GALNT1: variants seen among roughly 807,000 people sequenced by gnomAD.
GALNT1 encodes GalNAc transferase 1.
GALNT1 carries 17 observed loss-of-function variants against 65.7 expected under a neutral mutation model. The ratio of observed to expected loss-of-function variants is 0.26; its 90% confidence interval spans 0.18 to 0.39. The LOEUF is 0.39. Ranked by LOEUF, GALNT1 falls within the 10% of genes least tolerant of loss-of-function variation. GALNT1 has a pLI of 1.00. For missense variants in GALNT1, 460 were observed against 672.8 expected (o/e 0.68, Z 3.50); for synonymous variants, 210 against 219.7 (o/e 0.96, Z 0.39).
intron 1 of GALNT1, among the ~76,000 whole-genome samples, chr18:35,597,776 A>G (rs1006278828): frequency 2.6e-5 from 4 of 152,194 alleles, no homozygotes; most frequent in Admixed American, 2.6e-4. Flanking sequence ...AGTCAAATTC[A>G]TGTAATAAAA....
chr18:35,641,997 A>G (rs1013902861), intron 1 of GALNT1, among the ~76,000 whole-genome samples: 1 of 152,246 alleles, frequency 6.6e-6, no homozygotes, highest in Non-Finnish European at 1.5e-5. Context: ...TGTCACATTC[A>G]TTTATGTACC....
At position 35,704,642 on chromosome 18, in the gene GALNT1, TTTTA is replaced by T. The variant is rs569215775; in HGVS notation, c.1533+1011_1533+1014del. Among the ~76,000 whole-genome samples the T allele has an allele frequency of 2.7e-3, 409 of 150,568 alleles. 2 individuals are homozygous for T. Among genetic ancestry groups the T allele is most frequent in the African/African-American group, 9.6e-3 (393 of 41,016 alleles). Reference sequence around the variant, plus strand: ...CTAATTTATTTTTTTTTATTTTTTATTTTATTTATTTATTTTTTTGAGATGGAGT... The same window carrying T: ...CTAATTTATTTTTTTTTATTTTTTATTTTATTTATTTTTTTGAGATGGAGT... On this transcript the variant is annotated intron_variant, in intron 11 of 11. Transcript: ENST00000269195.
At chr18:35,656,656 G>A (rs75339867) in intron 2 of GALNT1, among the ~76,000 whole-genome samples, 1 of 152,210 alleles carries the variant, frequency 6.6e-6, no homozygotes, top group Non-Finnish European at 1.5e-5. Flanking sequence ...GGCCTTTTAT[G>A]GCATGCTAGG....
rs1449777049 is a variant in GALNT1 at position 35,630,805 on chromosome 18, A to G, written c.-103-23755A>G. Among the ~76,000 whole-genome samples the G allele has an allele frequency of 5.9e-5, 9 of 152,356 alleles. No homozygotes were observed. The East Asian group carries it at 7.7e-4, about 13-fold the overall frequency. The stretch of plus-strand genomic sequence containing the variant: ...AGATCAACAAAATTGATAGACCGCT[A>G]GCAAGACTAATAAAGAAGAAAAGAG... On this transcript the variant is annotated intron_variant, in intron 1 of 11. Transcript: ENST00000269195.
At chr18:35,646,301 A>G (rs1654050646) in intron 1 of GALNT1, among the ~76,000 whole-genome samples, 1 of 152,160 alleles carries the variant, frequency 6.6e-6, no homozygotes, top group Admixed American at 6.5e-5. Flanking sequence ...TCCCTTCCCC[A>G]ATACTGGGGA....
intron 1 of GALNT1, among the ~76,000 whole-genome samples, chr18:35,582,765 A>T (rs1339617156): frequency 6.6e-6 from 1 of 152,218 alleles, no homozygotes; most frequent in African/African-American, 2.4e-5. Flanking sequence ...GGCCCTAAGA[A>T]GTTGCAACTT....
intron 1 of GALNT1, among the ~76,000 whole-genome samples, chr18:35,628,051 A>G (rs1241210572): frequency 1.3e-5 from 2 of 152,214 alleles, no homozygotes; most frequent in African/African-American, 2.4e-5. Flanking sequence ...AGGCTTGAGT[A>G]GGTAAACAAA....
At chr18:35,673,931 C>G (rs190145439) in intron 3 of GALNT1, among the ~76,000 whole-genome samples, 2 of 152,278 alleles carry the variant, frequency 1.3e-5, no homozygotes, top group East Asian at 3.9e-4. Context: ...CTAGATGGTA[C>G]AGCCTACTAC....
intron 1 of GALNT1, among the ~76,000 whole-genome samples, chr18:35,648,250 T>C (rs888392638): frequency 6.6e-6 from 1 of 152,160 alleles, no homozygotes; most frequent in African/African-American, 2.4e-5. Context: ...AATTTATGTG[T>C]AAGTATGGTA....
chr18:35,661,257 G>T (rs2047473296), intron 2 of GALNT1, among the ~76,000 whole-genome samples: 1 of 152,108 alleles, frequency 6.6e-6, no homozygotes, highest in African/African-American at 2.4e-5. Context: ...CCAGCACTTT[G>T]GGAGGCCAAG....
rs189176897 is a variant in GALNT1 at position 35,645,291 on chromosome 18, C to T, written c.-103-9269C>T. Among the ~76,000 whole-genome samples, 549 of 135,980 alleles carry T rather than the reference C, an allele frequency of 4.0e-3. 4 individuals are homozygous for T. Among genetic ancestry groups the T allele is most frequent in the African/African-American group, 0.011 (391 of 36,032 alleles). 89.2% of individuals were successfully genotyped at this position (135,980 alleles called of 152,430 possible). On this transcript the variant is annotated intron_variant, in intron 1 of 11. Transcript: ENST00000269195. ...TGTTGCCCAGGCTGGAGTGCAGTGG[C>T]GCAATCTCAGCTCACTGCAAGTTCT...
intron 1 of GALNT1, among the ~76,000 whole-genome samples, chr18:35,594,384 C>T (rs7244623): frequency 0.22 from 34,094 of 151,932 alleles, 4,298 homozygotes; most frequent in African/African-American, 0.34. Flanking sequence ...GAGGCAAGGA[C>T]TATGTTGGCT....
At chr18:35,594,681 T>C (rs2046484357) in intron 1 of GALNT1, among the ~76,000 whole-genome samples, 2 of 152,296 alleles carry the variant, frequency 1.3e-5, no homozygotes, top group South Asian at 4.1e-4. Flanking sequence ...ATGACTTCTG[T>C]GTTGGAAGCT....
chr18:35,707,098 A>G (rs1258004779), intron 11 of GALNT1, among the ~76,000 whole-genome samples: 2 of 152,142 alleles, frequency 1.3e-5, no homozygotes, highest in Admixed American at 6.5e-5. Context: ...ATTTTTGATT[A>G]ATAGTTTTGA....
intron 1 of GALNT1, among the ~76,000 whole-genome samples, chr18:35,630,733 A>G (rs1287030479): frequency 6.6e-6 from 1 of 152,222 alleles, no homozygotes; most frequent in Non-Finnish European, 1.5e-5. Context: ...TAGAGACACA[A>G]AAAACCCTTC....
chr18:35,626,711 C>G (rs1280197572), intron 1 of GALNT1, among the ~76,000 whole-genome samples: 1 of 152,106 alleles, frequency 6.6e-6, no homozygotes, highest in Non-Finnish European at 1.5e-5. Context: ...CCTGCGTGCT[C>G]TCCATGTTTT....
rs935273429 is a variant in GALNT1, at chr18:35,710,478, A to T, written c.*708A>T. Reference sequence around the variant, plus strand: ...TGGGGTGCTGAAATTGAGCTGAAAAAAAAAGGCTCTTTGAATATAGTTTTA... The same window carrying T: ...TGGGGTGCTGAAATTGAGCTGAAAATAAAAGGCTCTTTGAATATAGTTTTA... On this transcript the variant is annotated 3_prime_UTR_variant, in exon 12 of 12. Coordinates refer to ENST00000269195, the MANE Select transcript of GALNT1 (RefSeq NM_020474.4). 1.0e-4 allele frequency: 16 copies of T among 152,420 alleles called. No homozygotes were observed. Among genetic ancestry groups the T allele is most frequent in the Non-Finnish European group, 2.4e-4 (16 of 68,020 alleles). 9.4% of individuals were successfully genotyped at this position (152,420 alleles called of 1,614,324 possible).
intron 1 of GALNT1, among the ~76,000 whole-genome samples, chr18:35,600,276 G>T (rs1203145245): frequency 6.6e-6 from 1 of 151,662 alleles, no homozygotes; most frequent in Non-Finnish European, 1.5e-5. Context: ...TATATTTTTT[G>T]TATTTAATAG....
intron 1 of GALNT1, among the ~76,000 whole-genome samples, chr18:35,634,276 A>G (rs901533060): frequency 5.3e-5 from 8 of 152,194 alleles, no homozygotes; most frequent in Non-Finnish European, 1.2e-4. Flanking sequence ...GCTAGGGGTC[A>G]CATAACTCAT....
Sources: gnomAD v4.1 joint callset for allele counts (sites outside exome capture counted in the v4.1 genomes callset) on GRCh38, gnomAD v4.1.1 for gene constraint, MANE v1.5 for transcripts, NCBI Gene and HGNC (gene_info 2026-07-23, HGNC 2026-07-21) for gene names.